RNF180: variants seen among roughly 807,000 people sequenced by gnomAD.
RNF180 encodes E3 ubiquitin-protein ligase RNF180.
In RNF180, 38 loss-of-function variants were observed where a neutral mutation model predicts 59.2. That is an observed-to-expected ratio of 0.64 (90% CI 0.50 to 0.84). The LOEUF is 0.84. Among genes scored for constraint, RNF180 ranks in the 40% least tolerant of loss-of-function variants. The probability of loss-of-function intolerance (pLI) is 0.00; values close to 1 mark genes in which losing one functional copy is unlikely to be tolerated. For synonymous variants in RNF180, 262 were observed against 240.3 expected (o/e 1.09, Z -0.84); for missense variants, 705 against 700.9 (o/e 1.01, Z -0.07).
At chr5:64,365,605 G>T (rs1746416080) in intron 7 of RNF180, among the ~76,000 whole-genome samples, 2 of 151,700 alleles carry the variant, frequency 1.3e-5, no homozygotes, top group Admixed American at 6.6e-5. Context: ...CTATTAGTGT[G>T]AGGGAGTCTG....
At chr5:64,217,589 T>C in intron 5 of RNF180, 193 bp downstream of exon 5, 1 of 902,766 alleles carries the variant, frequency 1.1e-6, no homozygotes, top group Non-Finnish European at 1.5e-6. Flanking sequence ...TTTAATTTGC[T>C]TTTCCTTAAG....
At chr5:64,252,362 T>C (rs1469779584) in intron 5 of RNF180, among the ~76,000 whole-genome samples, 2 of 152,172 alleles carry the variant, frequency 1.3e-5, no homozygotes, top group Non-Finnish European at 2.9e-5. Context: ...GTTTAAAAGA[T>C]ACATCATATG....
At chr5:64,166,838 C>G (rs1749667208) in intron 1 of RNF180, among the ~76,000 whole-genome samples, 1 of 152,198 alleles carries the variant, frequency 6.6e-6, no homozygotes, top group Admixed American at 6.5e-5. Context: ...TAGAGTTGTC[C>G]TTGGTCCAGT....
At chr5:64,335,899 T>C (rs1259708958) in intron 7 of RNF180, among the ~76,000 whole-genome samples, 1 of 152,204 alleles carries the variant, frequency 6.6e-6, no homozygotes, top group East Asian at 1.9e-4. Context: ...CAGTGTTGTT[T>C]ATCTCTTCAT....
chr5:64,213,144 A>C (rs1194903650), intron 3 of RNF180, among the ~76,000 whole-genome samples: 1 of 152,190 alleles, frequency 6.6e-6, no homozygotes, highest in Non-Finnish European at 1.5e-5. Flanking sequence ...TCCCTCCCAC[A>C]GTGCTTGGTA....
At chr5:64,224,791 G>A (rs1195802725) in intron 5 of RNF180, among the ~76,000 whole-genome samples, 1 of 152,220 alleles carries the variant, frequency 6.6e-6, no homozygotes, top group Non-Finnish European at 1.5e-5. Context: ...AGTATTCACA[G>A]ATGGGGCCTT....
intron 6 of RNF180, among the ~76,000 whole-genome samples, chr5:64,326,506 G>A (rs1214146334): frequency 6.6e-6 from 1 of 152,068 alleles, no homozygotes; most frequent in Admixed American, 6.5e-5. Context: ...ATATGCCTCT[G>A]CCATCAGGCT....
At chr5:64,238,750 T>C (rs141893526) in intron 5 of RNF180, among the ~76,000 whole-genome samples, 3 of 152,308 alleles carry the variant, frequency 2.0e-5, no homozygotes, top group African/African-American at 4.8e-5. Flanking sequence ...ATCAGAGATA[T>C]GGTTTGCAAA....
At chr5:64,347,137 A>C (rs1745589389) in intron 7 of RNF180, among the ~76,000 whole-genome samples, 1 of 152,186 alleles carries the variant, frequency 6.6e-6, no homozygotes, top group Admixed American at 6.5e-5. Context: ...CTACAGTGCA[A>C]ATTTAAGAAA....
chr5:64,339,009 T>G (rs1561270568), intron 7 of RNF180, among the ~76,000 whole-genome samples: 1 of 152,138 alleles, frequency 6.6e-6, no homozygotes, highest in Non-Finnish European at 1.5e-5. Flanking sequence ...AATTTCTTCC[T>G]AAGTTTATAT....
At chr5:64,274,712 TTC>T (rs755936087) in intron 5 of RNF180, among the ~76,000 whole-genome samples, 11 of 152,014 alleles carry the variant, frequency 7.2e-5, no homozygotes, top group Non-Finnish European at 1.6e-4. Context: ...GTGACTCTCT[TTC>T]TATCCTTTGT....
Position 64,285,006 on chromosome 5 carries a change from G to A in RNF180, c.1228-40180G>A, listed in dbSNP as rs117720899. On this transcript the variant is annotated intron_variant, in intron 5 of 7. Coordinates refer to ENST00000389100, the MANE Select transcript of RNF180 (RefSeq NM_001113561.2). ...GTATGGGGATTTTGGTTTTATTTTC[G>A]TTGGTGCCTTTGAGGGTCTGATCAT... 9.2e-5 allele frequency among the ~76,000 whole-genome samples: 14 copies of A among 152,214 alleles called. No individual in the cohort carries two copies. The East Asian group carries it at 1.9e-3, about 21-fold the overall frequency.
intron 5 of RNF180, among the ~76,000 whole-genome samples, chr5:64,218,445 A>C (rs1278809989): frequency 6.6e-6 from 1 of 152,002 alleles, no homozygotes; most frequent in Non-Finnish European, 1.5e-5. Flanking sequence ...GTGTGGGTAT[A>C]TTTCTGGACT....
At chr5:64,259,282 C>T (rs745555968) in intron 5 of RNF180, among the ~76,000 whole-genome samples, 1 of 151,994 alleles carries the variant, frequency 6.6e-6, no homozygotes, top group African/African-American at 2.4e-5. Context: ...AAGGGGATGC[C>T]CAGGGCATGT....
intron 1 of RNF180, among the ~76,000 whole-genome samples, chr5:64,196,747 A>G (rs1751475851): frequency 6.6e-6 from 1 of 152,086 alleles, no homozygotes; most frequent in Non-Finnish European, 1.5e-5. Flanking sequence ...TCTAGTTAAT[A>G]TATCAAAGTT....
intron 5 of RNF180, among the ~76,000 whole-genome samples, chr5:64,256,192 C>T (rs1389989367): frequency 1.3e-5 from 2 of 152,050 alleles, no homozygotes; most frequent in Non-Finnish European, 2.9e-5. Context: ...TGTGCAGAAG[C>T]TCCTTAGTTT....
At position 64,243,813 on chromosome 5, in the gene RNF180, G is replaced by C. The variant is rs190280321; in HGVS notation, c.1227+26417G>C. Among the ~76,000 whole-genome samples, 8 of 152,294 alleles carry C rather than the reference G, an allele frequency of 5.3e-5. No individual in the cohort carries two copies. In the East Asian group the frequency reaches 1.5e-3, roughly 29 times the overall value. On this transcript the variant is annotated intron_variant, in intron 5 of 7. Transcript: ENST00000389100. ...CTGACTGGGACACACCTCCCAGCAG[G>C]GTGGACAGACACCTCATACAGGACA...
chr5:64,343,585 C>A (rs1246256697), intron 7 of RNF180, among the ~76,000 whole-genome samples: 1 of 151,434 alleles, frequency 6.6e-6, no homozygotes, highest in African/African-American at 2.4e-5. Context: ...CTGCTGAAAC[C>A]CAAATATAAA....
At chr5:64,167,262 T>G (rs1749694989) in intron 1 of RNF180, among the ~76,000 whole-genome samples, 1 of 152,230 alleles carries the variant, frequency 6.6e-6, no homozygotes, top group Non-Finnish European at 1.5e-5. Context: ...TTTAGGAGAA[T>G]AGTCATTTTA....
Sources: allele counts gnomAD v4.1 joint callset (sites outside exome capture counted in the v4.1 genomes callset), GRCh38; gene constraint gnomAD v4.1.1; transcripts MANE v1.5; gene names NCBI Gene and HGNC (gene_info 2026-07-23, HGNC 2026-07-21).